The following AFG1L variants were observed in gnomAD, a reference collection of about 807,000 sequenced individuals.
The protein encoded by AFG1L is AFG1-like ATPase.
A neutral mutation model predicts 62.2 loss-of-function variants in AFG1L; 53 were observed. The ratio of observed to expected loss-of-function variants is 0.85; its 90% CI spans 0.68 to 1.07. AFG1L has a LOEUF of 1.07. AFG1L is among the 50% of genes least tolerant of loss of function. The probability of loss-of-function intolerance (pLI) is 0.00; values close to 1 mark genes in which losing one functional copy is unlikely to be tolerated. For missense variants in AFG1L, 555 were observed against 590.5 expected, an observed-to-expected ratio of 0.94 and a Z score of 0.62; for synonymous variants, 228 against 210.3, an observed-to-expected ratio of 1.08 and a Z score of -0.73.
Position 108,374,001 on chromosome 6 carries a change from T to C in AFG1L, c.748+7669T>C, listed in dbSNP as rs1235042211. ...TTCTCCACAGCCTCACCAGCATCTG[T>C]TATTTTTTACTTTTTAATACAAGCC... On this transcript the variant is annotated intron_variant, in intron 6 of 12. Coordinates refer to ENST00000368977, the MANE Select transcript of AFG1L (RefSeq NM_145315.5). 2.6e-5 allele frequency among the ~76,000 whole-genome samples: 4 copies of C among 152,310 alleles called. No individual in the cohort carries two copies. In the East Asian group the frequency reaches 7.7e-4, roughly 29 times the overall value.
At chr6:108,469,731 C>T (rs1772811615) in intron 8 of AFG1L, among the ~76,000 whole-genome samples, 1 of 152,140 alleles carries the variant, frequency 6.6e-6, no homozygotes, top group Non-Finnish European at 1.5e-5. Context: ...AACTGAGTGG[C>T]TGGTGATAGC....
chr6:108,357,075 G>T (rs769036580), intron 5 of AFG1L, among the ~76,000 whole-genome samples: 2 of 151,862 alleles, frequency 1.3e-5, no homozygotes, highest in Non-Finnish European at 2.9e-5. Context: ...ACACATGCAC[G>T]TGCACACACA....
At chr6:108,295,406 A>G (rs1429193785) in intron 1 of AFG1L, among the ~76,000 whole-genome samples, 188 bp downstream of exon 1, 4 of 152,180 alleles carry the variant, frequency 2.6e-5, no homozygotes, top group African/African-American at 9.7e-5. Context: ...CACTGAGGGA[A>G]ATGACCCTGA....
chr6:108,299,433 A>G (rs918363335), intron 1 of AFG1L, among the ~76,000 whole-genome samples: 2 of 152,198 alleles, frequency 1.3e-5, no homozygotes, highest in Non-Finnish European at 2.9e-5. Context: ...TGGGCAATGT[A>G]ATCAAAAGAA....
chr6:108,441,849 T>C (rs533189113), intron 7 of AFG1L, among the ~76,000 whole-genome samples: 60 of 151,948 alleles, frequency 3.9e-4, no homozygotes, highest in Non-Finnish European at 8.5e-4. Flanking sequence ...ACAAATGCAA[T>C]CATTTCGTAG....
Position 108,510,241 on chromosome 6 carries a change from A to G in AFG1L, c.1092A>G (p.Leu364=), listed in dbSNP as rs934813066. 3 of 1,611,468 alleles carry G rather than the reference A, an allele frequency of 1.9e-6. No homozygotes were observed. Among genetic ancestry groups the G allele is most frequent in the Non-Finnish European group, 1.7e-6 (2 of 1,179,010 alleles). The change falls in exon 11 of 13, where the codon CTA becomes CTG. Residue 364 remains leucine (L), a synonymous_variant. Coordinates refer to ENST00000368977, the MANE Select transcript of AFG1L (RefSeq NM_145315.5). ...RPLGASDYLE[L]SKNFDTIFLR... is the part of the protein sequence containing the mutation. ...TTGGAGCCAGTGACTATTTGGAACT[A>G]TCAAAGAATTTTGATACAATATTTT... is the stretch of plus-strand genomic sequence containing the variant.
At chr6:108,302,856 G>A (rs1777059630) in intron 1 of AFG1L, among the ~76,000 whole-genome samples, 1 of 152,080 alleles carries the variant, frequency 6.6e-6, no homozygotes, top group Non-Finnish European at 1.5e-5. Context: ...GAGAAATCAG[G>A]TAGAGAGAAA....
At chr6:108,324,272 G>A (rs182293840) in intron 2 of AFG1L, among the ~76,000 whole-genome samples, 45 of 152,284 alleles carry the variant, frequency 3.0e-4, no homozygotes, top group African/African-American at 1.0e-3. Flanking sequence ...AAAAAATGCA[G>A]TCCAGTCTAA....
intron 2 of AFG1L, among the ~76,000 whole-genome samples, chr6:108,328,917 A>G (rs1457903449): frequency 1.3e-5 from 2 of 152,304 alleles, no homozygotes; most frequent in African/African-American, 4.8e-5. Context: ...TGGGTAGTTG[A>G]AATCTAATGT....
chr6:108,353,153 ATTT>A (rs35734578), intron 3 of AFG1L, among the ~76,000 whole-genome samples: 21 of 120,994 alleles, frequency 1.7e-4, no homozygotes, highest in Middle Eastern at 4.1e-3. Flanking sequence ...ACAATGTTTA[ATTT>A]TTTTTTTTTT....
chr6:108,371,198 T>A (rs1004270711), intron 6 of AFG1L, among the ~76,000 whole-genome samples: 3 of 152,150 alleles, frequency 2.0e-5, no homozygotes, highest in African/African-American at 7.2e-5. Context: ...TATTTTTGTT[T>A]TGTTTTGTGA....
chr6:108,339,086 A>G (rs773976328), intron 2 of AFG1L, among the ~76,000 whole-genome samples: 1 of 152,094 alleles, frequency 6.6e-6, no homozygotes, highest in South Asian at 2.1e-4. Context: ...TCAACGTTAA[A>G]GCAATTTGCA....
intron 6 of AFG1L, among the ~76,000 whole-genome samples, chr6:108,398,823 C>A (rs1323005163): frequency 6.6e-6 from 1 of 152,054 alleles, no homozygotes; most frequent in Non-Finnish European, 1.5e-5. Context: ...TGTTTTTGTG[C>A]CAGTACCATG....
intron 7 of AFG1L, among the ~76,000 whole-genome samples, chr6:108,444,401 C>A (rs970832015): frequency 1.3e-5 from 2 of 152,166 alleles, no homozygotes; most frequent in Non-Finnish European, 2.9e-5. Flanking sequence ...AGGATGGTGA[C>A]TGCTAAAGGT....
chr6:108,400,740 T>C (rs1464193822), intron 6 of AFG1L, among the ~76,000 whole-genome samples: 1 of 126,062 alleles, frequency 7.9e-6, no homozygotes, highest in Non-Finnish European at 1.6e-5. Flanking sequence ...TAATATATAT[T>C]ATATATGATA....
intron 10 of AFG1L, among the ~76,000 whole-genome samples, chr6:108,509,265 C>G (rs892454295): frequency 6.6e-6 from 1 of 152,160 alleles, no homozygotes; most frequent in African/African-American, 2.4e-5. Context: ...GACCTTGAGT[C>G]CCATACTCTC....
intron 1 of AFG1L, among the ~76,000 whole-genome samples, chr6:108,312,052 A>G (rs775992153): frequency 1.3e-4 from 20 of 152,182 alleles, no homozygotes; most frequent in South Asian, 6.2e-4. Context: ...TTTAGTAGAG[A>G]TGGGGTTTCA....
chr6:108,501,206 G>C (rs1774185155), intron 10 of AFG1L, among the ~76,000 whole-genome samples: 1 of 152,104 alleles, frequency 6.6e-6, no homozygotes, highest in Admixed American at 6.5e-5. Context: ...TGTTGGCCAG[G>C]CTGGTCTTGA....
At chr6:108,475,941 G>T (rs1773087829) in intron 8 of AFG1L, among the ~76,000 whole-genome samples, 1 of 152,128 alleles carries the variant, frequency 6.6e-6, no homozygotes, top group African/African-American at 2.4e-5. Context: ...TAGTTTAATT[G>T]CTTCCACTAC....
Sources: allele counts gnomAD v4.1 joint callset (sites outside exome capture counted in the v4.1 genomes callset), GRCh38; gene constraint gnomAD v4.1.1; transcripts MANE v1.5; gene names NCBI Gene and HGNC (gene_info 2026-07-23, HGNC 2026-07-21).